The following TMEM11 variants were observed in gnomAD, a reference collection of about 807,000 sequenced individuals.
TMEM11 encodes the protein transmembrane protein 11, also known as transmembrane protein 11, mitochondrial.
In TMEM11, 1 loss-of-function variant was observed where a neutral mutation model predicts 17.0. The ratio of observed to expected loss-of-function variants is 0.06; its 90% confidence interval spans 0.02 to 0.28. The LOEUF is 0.28. TMEM11 is among the 10% of genes least tolerant of loss of function. TMEM11 has a pLI of 1.00. For missense variants in TMEM11, 172 were observed against 252.9 expected (o/e 0.68, Z 2.17); for synonymous variants, 122 against 118.1 (o/e 1.03, Z -0.21).
chr17:21,204,122 TA>T (rs61174663), intron 1 of TMEM11, among the ~76,000 whole-genome samples: 116,017 of 138,180 alleles, frequency 0.84, 48,762 homozygotes, highest in South Asian at 0.87. Flanking sequence ...AGTCTATGTT[TA>T]AAAAAAAAAA....
intron 1 of TMEM11, chr17:21,211,058 C>G (rs527963212): frequency 2.4e-5 from 31 of 1,289,812 alleles, no homozygotes; most frequent in Non-Finnish European, 3.0e-5. Flanking sequence ...GGTGGCAGAA[C>G]ACAGATACCT....
intron 1 of TMEM11, among the ~76,000 whole-genome samples, chr17:21,204,737 C>G (rs1176428287): frequency 6.6e-6 from 1 of 152,044 alleles, no homozygotes; most frequent in Non-Finnish European, 1.5e-5. Context: ...GGCATGATCT[C>G]TGGTACTTAA....
At chr17:21,204,519 A>T (rs1448032473) in intron 1 of TMEM11, among the ~76,000 whole-genome samples, 1 of 151,814 alleles carries the variant, frequency 6.6e-6, no homozygotes, top group African/African-American at 2.4e-5. Flanking sequence ...TCAGGGGAAA[A>T]GGCAGGGTTC....
chr17:21,199,117 G>A (rs1047808600), intron 1 of TMEM11, among the ~76,000 whole-genome samples: 1 of 151,646 alleles, frequency 6.6e-6, no homozygotes, highest in Non-Finnish European at 1.5e-5. Context: ...TCAGGAGTTA[G>A]AGACCAGCCT....
intron 1 of TMEM11, among the ~76,000 whole-genome samples, chr17:21,203,735 T>TC (rs1399008043): frequency 6.6e-6 from 1 of 151,502 alleles, no homozygotes; most frequent in African/African-American, 2.4e-5. Flanking sequence ...TGCCAAGTAC[T>TC]CCCAGGAGAC....
chr17:21,211,484 C>T (rs1372914126), intron 1 of TMEM11, among the ~76,000 whole-genome samples: 1 of 152,164 alleles, frequency 6.6e-6, no homozygotes, highest in Admixed American at 6.5e-5. Flanking sequence ...ATGTAATTGC[C>T]ACATGTAGCT....
At chr17:21,211,326 C>T (rs1001581934) in intron 1 of TMEM11, 2 of 894,842 alleles carry the variant, frequency 2.2e-6, no homozygotes, top group Non-Finnish European at 3.1e-6. Flanking sequence ...CTGTCCATAT[C>T]ATAACTTTCT....
intron 1 of TMEM11, among the ~76,000 whole-genome samples, chr17:21,205,269 A>G (rs923241832): frequency 6.6e-6 from 1 of 152,156 alleles, no homozygotes; most frequent in African/African-American, 2.4e-5. Flanking sequence ...AGAGCAAAAG[A>G]TGACAGGAGC....
In TMEM11 at chr17:21,214,096, T is replaced by C. The variant is rs774449003; in HGVS notation, c.57A>G (p.Arg19=). Residue 19 remains arginine, a synonymous_variant, in exon 1 of 2, where the codon CGA becomes CGG. Transcript: ENST00000317635. ...LGPGSSGGSA[R]ERVSLSATDC... ...AACAAGCCCTTGGATCTCACCTCTC[T>C]CGGGCGCTGCCGCCACTGCTGCCCG... The C allele has an allele frequency of 8.7e-6, 14 of 1,610,178 alleles. No individual in the cohort carries two copies. The Admixed American group carries it at 1.3e-4, about 15-fold the overall frequency.
chr17:21,203,989 G>GA, intron 1 of TMEM11, among the ~76,000 whole-genome samples: 2 of 124,564 alleles, frequency 1.6e-5, no homozygotes, highest in South Asian at 5.3e-4. Context: ...AAATTATATG[G>GA]ACTTTTTTTT....
intron 1 of TMEM11, among the ~76,000 whole-genome samples, chr17:21,199,220 G>T (rs533373965): frequency 6.6e-6 from 1 of 151,262 alleles, no homozygotes; most frequent in African/African-American, 2.4e-5. Context: ...TAATCTACTC[G>T]GGAGGCTGAG....
chr17:21,206,208 C>T (rs1974940713), intron 1 of TMEM11, among the ~76,000 whole-genome samples: 1 of 152,124 alleles, frequency 6.6e-6, no homozygotes, highest in South Asian at 2.1e-4. Context: ...CATATCCTCA[C>T]CAACACTTGT....
chr17:21,198,757 A>G lies in TMEM11; in HGVS notation c.146T>C (p.Leu49Pro). ...GTACTGGGCTTCCAGGGCCTGCTCC[A>G]GCTCGTACTCAAACTGGTCTTGGGC... ...ENAQDQFEYE[L>P]EQALEAQYKY... Residue 49 changes from leucine (L) to proline (P), a missense_variant, in exon 2 of 2, where the codon CTG becomes CCG. By Grantham distance (98) the Leu-to-Pro change is moderately conservative (BLOSUM62 -3). Around this residue, in one of 2 missense-constraint regions of TMEM11, gnomAD observed 123 missense variants for 213.6 expected, o/e 0.58. Transcript: ENST00000317635. The surrounding 1 kb of genome is among the most constrained non-coding windows in gnomAD (Gnocchi z 6.5). 1 of 1,614,112 alleles carries G rather than the reference A, an allele frequency of 6.2e-7. No individual in the cohort carries two copies. The highest frequency in any genetic ancestry group is 8.5e-7 in the Non-Finnish European group (1 of 1,180,050).
intron 1 of TMEM11, among the ~76,000 whole-genome samples, chr17:21,201,180 T>C (rs184277300): frequency 1.3e-5 from 2 of 152,334 alleles, no homozygotes. Flanking sequence ...AAGTCATTGG[T>C]AATGGGCTGA....
In TMEM11 at chr17:21,198,122, C is replaced by A; in HGVS notation, c.*202G>T. ...CGGACTTCCACAGCCTCAGACCCCC[C>A]TCTTGGGTTATGGAAATCCACATCT... On this transcript the variant is annotated 3_prime_UTR_variant, in exon 2 of 2. Coordinates refer to ENST00000317635, the MANE Select transcript of TMEM11 (RefSeq NM_003876.3). The surrounding 1 kb of genome is among the most constrained non-coding windows in gnomAD (Gnocchi z 6.5). 3 of 661,314 alleles carry A rather than the reference C, an allele frequency of 4.5e-6. No individual in the cohort carries two copies. Among genetic ancestry groups the A allele is most frequent in the South Asian group, 4.3e-5 (2 of 46,262 alleles). 41.0% of individuals were successfully genotyped at this position (661,314 alleles called of 1,614,324 possible).
rs1401632080 is a variant in TMEM11, at chr17:21,198,008, C to T, written c.*316G>A. 12 of 274,656 alleles carry T rather than the reference C, an allele frequency of 4.4e-5. No homozygotes were observed. In the South Asian group the frequency reaches 9.7e-4, roughly 22 times the overall value. The allele number at this position is 274,656 out of a possible 1,614,324, so 17.0% of individuals were successfully genotyped here. On this transcript the variant is annotated 3_prime_UTR_variant, in exon 2 of 2. Coordinates refer to ENST00000317635, the MANE Select transcript of TMEM11 (RefSeq NM_003876.3). This position sits in a 1 kb window ranked among gnomAD's most constrained non-coding sequence, Gnocchi z 6.5. ...AGCTTCTGGTGGGCTCTGGATGGTA[C>T]AGTTAAACAATAGACTTAAAGACCT...
intron 1 of TMEM11, among the ~76,000 whole-genome samples, chr17:21,203,230 A>G (rs1256958556): frequency 2.0e-5 from 3 of 152,170 alleles, no homozygotes; most frequent in Non-Finnish European, 4.4e-5. Flanking sequence ...ACACAGACGC[A>G]CCCAAAGCCG....
intron 1 of TMEM11, among the ~76,000 whole-genome samples, chr17:21,211,866 T>G (rs566090367): frequency 6.6e-6 from 1 of 152,308 alleles, no homozygotes; most frequent in South Asian, 2.1e-4. Context: ...GAATGTGACA[T>G]GGAACAAAGT....
intron 1 of TMEM11, among the ~76,000 whole-genome samples, chr17:21,208,024 G>A (rs1252547289): frequency 1.4e-5 from 2 of 144,886 alleles, no homozygotes; most frequent in Admixed American, 6.9e-5. Context: ...ACGGAGTCTC[G>A]CTCTGTCGCC....
Sources: gnomAD v4.1 joint callset for allele counts (sites outside exome capture counted in the v4.1 genomes callset) on GRCh38, gnomAD v4.1.1 for gene constraint, gnomAD v4.1.1 regional missense constraint, Gnocchi (gnomAD v3.1) non-coding constraint, MANE v1.5 for transcripts, NCBI Gene and HGNC (gene_info 2026-07-23, HGNC 2026-07-21) for gene names.